The following NPHP4 variants were observed in gnomAD, a reference collection of about 807,000 sequenced individuals.
NPHP4 encodes nephrocystin 4, also known as nephrocystin-4.
A neutral mutation model predicts 155.8 loss-of-function variants in NPHP4; 151 were observed. That is an observed-to-expected ratio of 0.97 (90% confidence interval 0.85 to 1.11). The LOEUF is 1.11. Among genes scored for constraint, NPHP4 ranks in the 50% least tolerant of loss-of-function variants. The pLI is 0.00. For synonymous variants in NPHP4, 845 were observed against 816.8 expected (o/e 1.03, Z -0.59); for missense variants, 1,956 against 1,925.7 (o/e 1.02, Z -0.29).
At chr1:5,897,748 G>C (rs555868595) in intron 16 of NPHP4, among the ~76,000 whole-genome samples, 1 of 152,116 alleles carries the variant, frequency 6.6e-6, no homozygotes, top group South Asian at 2.1e-4. Flanking sequence ...ACACATGGGG[G>C]ACAAATGGGG....
At chr1:5,938,094 G>A (rs1251842876) in intron 9 of NPHP4, among the ~76,000 whole-genome samples, 1 of 152,188 alleles carries the variant, frequency 6.6e-6, no homozygotes, top group Non-Finnish European at 1.5e-5. Context: ...AGACCCAGGA[G>A]CATCCTTGGA....
chr1:5,980,542 C>T (rs538500042), intron 2 of NPHP4, among the ~76,000 whole-genome samples: 33 of 152,212 alleles, frequency 2.2e-4, no homozygotes, highest in African/African-American at 7.5e-4. Flanking sequence ...AGAAAATTCC[C>T]GCAGCTGCCA....
chr1:5,949,148 A>T (rs1647392069), intron 7 of NPHP4, among the ~76,000 whole-genome samples: 1 of 152,178 alleles, frequency 6.6e-6, no homozygotes, highest in Non-Finnish European at 1.5e-5. Flanking sequence ...AAATTCAACA[A>T]TGATATTCCT....
intron 19 of NPHP4, among the ~76,000 whole-genome samples, chr1:5,879,849 GCACA>G (rs1443361977): frequency 7.6e-6 from 1 of 131,456 alleles, no homozygotes; most frequent in South Asian, 2.4e-4. Flanking sequence ...ACACAGACAC[GCACA>G]CAGACACGCA....
chr1:5,888,738 A>G (rs183732216), intron 17 of NPHP4: 6 of 576,948 alleles, frequency 1.0e-5, no homozygotes, highest in African/African-American at 9.8e-5. Context: ...CGACTGGTTT[A>G]AAGGCTGACA....
At chr1:5,949,255 T>C (rs570808884) in intron 7 of NPHP4, among the ~76,000 whole-genome samples, 1 of 152,102 alleles carries the variant, frequency 6.6e-6, no homozygotes, top group South Asian at 2.1e-4. Flanking sequence ...TCCTATTCTC[T>C]GCTTTGTGTT....
At position 5,890,774 on chromosome 1, in the gene NPHP4, G is replaced by C; in HGVS notation, c.2304+94C>G. On this transcript the variant is annotated intron_variant, in intron 17 of 29. Transcript: ENST00000378156. This position sits in a 1 kb window ranked among gnomAD's most constrained non-coding sequence, Gnocchi z 4.9. Reference sequence around the variant, plus strand: ...TCAAACAAGTCCTGTGCGGGATAGCGCCCGCTCCTTCCAAGCAGACAGACG... The same window carrying C: ...TCAAACAAGTCCTGTGCGGGATAGCCCCCGCTCCTTCCAAGCAGACAGACG... 1 of 1,238,588 alleles carries C rather than the reference G, an allele frequency of 8.1e-7. No individual in the cohort carries two copies. Among genetic ancestry groups the C allele is most frequent in the Non-Finnish European group, 1.1e-6 (1 of 877,668 alleles). The allele number at this position is 1,238,588 out of a possible 1,614,324, so 76.7% of individuals were successfully genotyped here.
intron 5 of NPHP4, among the ~76,000 whole-genome samples, chr1:5,962,990 C>T (rs533935047): frequency 7.9e-5 from 12 of 152,214 alleles, no homozygotes; most frequent in African/African-American, 2.9e-4. Context: ...TGGTCTCAGG[C>T]GGCTCAAGTC....
intron 11 of NPHP4, among the ~76,000 whole-genome samples, chr1:5,912,546 A>AT (rs1645241134): frequency 6.7e-6 from 1 of 148,300 alleles, no homozygotes; most frequent in African/African-American, 2.6e-5. Flanking sequence ...TCAAAAAAAA[A>AT]AAAAAAAAAG....
In NPHP4 at chr1:5,877,263, C is replaced by T. The variant is rs769851221; in HGVS notation, c.2647G>A (p.Val883Met). 4.9e-5 allele frequency: 79 copies of T among 1,604,854 alleles called. No individual in the cohort carries two copies. Among genetic ancestry groups the T allele is most frequent in the African/African-American group, 1.6e-4 (12 of 74,828 alleles). ...HVVQAQKLADVDSELAAMLLT... is the reference protein window; with the variant it reads ...HVVQAQKLADMDSELAAMLLT... ...AGCATGGCAGCCAGCTCACTGTCCA[C>T]GTCCGCCAGCTTCTGTGCTTGCACC... is the stretch of plus-strand genomic sequence containing the variant. The change falls in exon 20 of 30, where the codon GTG (valine) becomes ATG (methionine). Residue 883 changes from valine (V) to methionine (M), a missense_variant. Transcript: ENST00000378156.
chr1:5,869,622 A>G (rs754704306), intron 23 of NPHP4, among the ~76,000 whole-genome samples: 12 of 152,262 alleles, frequency 7.9e-5, no homozygotes, highest in Non-Finnish European at 1.2e-4. Flanking sequence ...CACAGGACAC[A>G]AAGGACCTAA....
chr1:5,971,120 G>A (rs1375332090), intron 3 of NPHP4, among the ~76,000 whole-genome samples: 1 of 152,202 alleles, frequency 6.6e-6, no homozygotes, highest in Non-Finnish European at 1.5e-5. Context: ...ACAACAATCT[G>A]CCAGCCTAGA....
rs549982601 is a variant in NPHP4, at chr1:5,880,235, G to A, written c.2490C>T (p.His830=). 1.2e-4 allele frequency: 193 copies of A among 1,613,356 alleles called. No homozygotes were observed. Among genetic ancestry groups the A allele is most frequent in the Non-Finnish European group, 1.5e-4 (180 of 1,179,670 alleles). Residue 830 remains histidine, a synonymous_variant, in exon 19 of 30, where the codon CAC becomes CAT. Transcript: ENST00000378156. The part of the protein sequence containing the change: ...RLHLTLANVG[H]PCEQKVRGCS... ...AACCTCTCACTTTCTGTTCACACGG[G>A]TGACCTACATGAAAAACATCCCAAC...
chr1:5,909,317 C>T, intron 11 of NPHP4, 104 bp from the exon 12 acceptor site: 1 of 890,300 alleles, frequency 1.1e-6, no homozygotes. Flanking sequence ...GGCCTCACCA[C>T]CTTGTCTGTA....
At chr1:5,878,759 C>T (rs1018368590) in intron 19 of NPHP4, among the ~76,000 whole-genome samples, 4 of 152,196 alleles carry the variant, frequency 2.6e-5, no homozygotes, top group African/African-American at 9.7e-5. Context: ...GAGCTCCTGA[C>T]CTGCTGCGCC....
At chr1:5,964,941 A>ATATATATATT in intron 5 of NPHP4, among the ~76,000 whole-genome samples, 6 of 59,428 alleles carry the variant, frequency 1.0e-4, no homozygotes, top group African/African-American at 5.1e-4. Context: ...ATATATATAT[A>ATATATATATT]TTTTTTTTTT....
intron 23 of NPHP4, among the ~76,000 whole-genome samples, chr1:5,869,252 C>T (rs1243366950): frequency 5.0e-5 from 7 of 140,414 alleles, no homozygotes; most frequent in Non-Finnish European, 8.1e-5. Context: ...CACACACACA[C>T]ATGCACACCC....
intron 16 of NPHP4, 87 bp downstream of exon 16, chr1:5,904,530 T>C: frequency 1.9e-6 from 2 of 1,043,822 alleles, no homozygotes; most frequent in South Asian, 1.7e-5. Context: ...AAACTTTTCA[T>C]AGTACCACTT....
rs564089630 is a variant in NPHP4 at position 5,866,568 on chromosome 1, G to A, written c.3559-110C>T. On this transcript the variant is annotated intron_variant, in intron 25 of 29. Transcript: ENST00000378156. ...AGCGAGTGACGGCCAGTCCCTCCCA[G>A]AACGCATCTGTTCATGTTCTATACC... is the stretch of plus-strand genomic sequence containing the variant. The A allele has an allele frequency of 3.0e-5, 21 of 692,552 alleles. No individual in the cohort carries two copies. In the Admixed American group the frequency reaches 3.8e-4, roughly 13 times the overall value. 42.9% of individuals were successfully genotyped at this position (692,552 alleles called of 1,614,324 possible).
Sources: gnomAD v4.1 joint callset for allele counts (sites outside exome capture counted in the v4.1 genomes callset) on GRCh38, gnomAD v4.1.1 for gene constraint, Gnocchi (gnomAD v3.1) non-coding constraint, MANE v1.5 for transcripts, NCBI Gene and HGNC (gene_info 2026-07-23, HGNC 2026-07-21) for gene names.